The following EFL1 variants were observed in gnomAD, a reference collection of about 807,000 sequenced individuals.
EFL1 encodes elongation factor like GTPase 1, also known as elongation factor-like GTPase 1.
EFL1 carries 76 observed loss-of-function variants against 126.7 expected under a neutral mutation model. The ratio of observed to expected loss-of-function variants is 0.60; its 90% CI spans 0.50 to 0.73. EFL1 has a LOEUF of 0.73. EFL1 is among the 30% of genes least tolerant of loss of function. EFL1 has a pLI of 0.00. For synonymous variants in EFL1, 410 were observed against 448.4 expected, an observed-to-expected ratio of 0.91 and a Z score of 1.08; for missense variants, 1,128 against 1,343.2, an observed-to-expected ratio of 0.84 and a Z score of 2.50.
Position 82,195,014 on chromosome 15 carries a change from G to A in EFL1, c.1750+19703C>T, listed in dbSNP as rs1371565982. Reference sequence around the variant, plus strand: ...ATAATGTATTTTTATATCACGTAGCGTTCAATATCAATACATTCAAATTAT... The same window carrying A: ...ATAATGTATTTTTATATCACGTAGCATTCAATATCAATACATTCAAATTAT... On this transcript the variant is annotated intron_variant, in intron 15 of 19. Coordinates refer to ENST00000268206, the MANE Select transcript of EFL1 (RefSeq NM_024580.6). 3.3e-5 allele frequency among the ~76,000 whole-genome samples: 5 copies of A among 152,196 alleles called. No individual in the cohort carries two copies. In the East Asian group the frequency reaches 5.8e-4, roughly 18 times the overall value.
At chr15:82,227,887 T>A (rs1206241925) in intron 10 of EFL1, among the ~76,000 whole-genome samples, 3 of 152,330 alleles carry the variant, frequency 2.0e-5, no homozygotes, top group African/African-American at 7.2e-5. Flanking sequence ...AACACAAACA[T>A]CTAAATCATC....
intron 15 of EFL1, among the ~76,000 whole-genome samples, chr15:82,199,087 A>C (rs1457863662): frequency 6.6e-6 from 1 of 152,132 alleles, no homozygotes; most frequent in Admixed American, 6.5e-5. Flanking sequence ...CTGAGAAAGG[A>C]AGGCTTATGA....
At chr15:82,209,310 G>GACACACACACACACACACACAC (rs1439189664) in intron 15 of EFL1, among the ~76,000 whole-genome samples, 1 of 94,834 alleles carries the variant, frequency 1.1e-5, no homozygotes, top group African/African-American at 4.0e-5. Flanking sequence ...TTCACACACA[G>GACACACACACACACACACACAC]ACACAGACAC....
intron 15 of EFL1, among the ~76,000 whole-genome samples, chr15:82,203,232 C>G (rs534219970): frequency 3.3e-5 from 5 of 152,270 alleles, no homozygotes; most frequent in African/African-American, 1.2e-4. Flanking sequence ...TTAACTAATA[C>G]TTGTGTATTT....
chr15:82,168,386 T>C (rs990762506), intron 15 of EFL1, among the ~76,000 whole-genome samples: 5 of 152,202 alleles, frequency 3.3e-5, no homozygotes, highest in Non-Finnish European at 5.9e-5. Flanking sequence ...AACAAGTCCA[T>C]TAAATCAACT....
intron 4 of EFL1, among the ~76,000 whole-genome samples, chr15:82,245,700 G>C (rs1024819883): frequency 6.6e-6 from 1 of 151,984 alleles, no homozygotes; most frequent in African/African-American, 2.4e-5. Context: ...AAATGCTTTG[G>C]AAGGCCAAAA....
At chr15:82,213,611 T>C (rs1449064354) in intron 15 of EFL1, among the ~76,000 whole-genome samples, 4 of 152,210 alleles carry the variant, frequency 2.6e-5, no homozygotes, top group Admixed American at 6.5e-5. Flanking sequence ...TGCCTTTTCT[T>C]TCCCTTGAGC....
chr15:82,161,951 C>T (rs1595951502), intron 16 of EFL1, among the ~76,000 whole-genome samples: 1 of 152,100 alleles, frequency 6.6e-6, no homozygotes, highest in African/African-American at 2.4e-5. Context: ...CATAACAGAG[C>T]CTTTTAAAAA....
intron 4 of EFL1, among the ~76,000 whole-genome samples, chr15:82,243,720 A>G (rs1211087561): frequency 7.2e-6 from 1 of 139,210 alleles, no homozygotes; most frequent in Non-Finnish European, 1.5e-5. Flanking sequence ...CAGACCTTTT[A>G]GGGAATAGTC....
chr15:82,165,790 G>T, intron 15 of EFL1, among the ~76,000 whole-genome samples: 1 of 152,106 alleles, frequency 6.6e-6, no homozygotes, highest in East Asian at 1.9e-4. Context: ...CTCACATTAG[G>T]TATCATTAGC....
At chr15:82,248,360 G>A (rs1409459285) in intron 4 of EFL1, among the ~76,000 whole-genome samples, 1 of 152,114 alleles carries the variant, frequency 6.6e-6, no homozygotes, top group Non-Finnish European at 1.5e-5. Context: ...CGTTCACACA[G>A]CCAGAGGAAA....
At chr15:82,156,728 ATAAT>A (rs2073972277) in intron 17 of EFL1, among the ~76,000 whole-genome samples, 1 of 152,220 alleles carries the variant, frequency 6.6e-6, no homozygotes, top group Non-Finnish European at 1.5e-5. Context: ...TCAATCATTT[ATAAT>A]TATTATTTTT....
At chr15:82,216,950 T>A (rs2074653820) in intron 14 of EFL1, among the ~76,000 whole-genome samples, 1 of 152,026 alleles carries the variant, frequency 6.6e-6, no homozygotes. Flanking sequence ...ATCCAGAATA[T>A]ACAAAGGACA....
intron 17 of EFL1, among the ~76,000 whole-genome samples, chr15:82,154,840 C>T (rs2073950666): frequency 6.6e-6 from 1 of 152,184 alleles, no homozygotes; most frequent in African/African-American, 2.4e-5. Context: ...CAGTTCACTG[C>T]AGCCTCGAGC....
chr15:82,209,630 C>T (rs2074563740), intron 15 of EFL1, among the ~76,000 whole-genome samples: 1 of 152,168 alleles, frequency 6.6e-6, no homozygotes, highest in South Asian at 2.1e-4. Context: ...GAGATATTCT[C>T]AGTAGGGAAA....
chr15:82,189,474 T>C (rs898722653), intron 15 of EFL1, among the ~76,000 whole-genome samples: 1 of 152,224 alleles, frequency 6.6e-6, no homozygotes, highest in Non-Finnish European at 1.5e-5. Flanking sequence ...GAAGAGATGC[T>C]TGATGTTGAC....
At chr15:82,170,794 C>T (rs1401623976) in intron 15 of EFL1, among the ~76,000 whole-genome samples, 1 of 152,098 alleles carries the variant, frequency 6.6e-6, no homozygotes, top group Non-Finnish European at 1.5e-5. Context: ...GGATCAGATC[C>T]ATTTATGAGT....
Position 82,151,944 on chromosome 15 carries a change from A to C in EFL1, c.2510T>G (p.Val837Gly), listed in dbSNP as rs1242897023. The change falls in exon 18 of 20, where the codon GTC (valine) becomes GGC (glycine). Residue 837 changes from valine (V) to glycine (G), a missense_variant. Physicochemically the swap from Val to Gly is moderately radical, Grantham distance 109 (BLOSUM62 -3). Transcript: ENST00000268206. ...GPRKCGPNILVNKSEDFQNSV... is the reference protein window; with the variant it reads ...GPRKCGPNILGNKSEDFQNSV... ...GTTCTGAAAATCTTCACTTTTATTG[A>C]CTAGTATGTTGGGCCCACATTTTCT... is the stretch of plus-strand genomic sequence containing the variant. The C allele has an allele frequency of 6.2e-7, 1 of 1,613,982 alleles. No individual in the cohort carries two copies. Among genetic ancestry groups the C allele is most frequent in the Non-Finnish European group, 8.5e-7 (1 of 1,179,994 alleles).
At chr15:82,227,749 G>A (rs1306384889) in intron 10 of EFL1, among the ~76,000 whole-genome samples, 177 bp from the exon 11 acceptor site, 3 of 152,200 alleles carry the variant, frequency 2.0e-5, no homozygotes, top group African/African-American at 7.2e-5. Flanking sequence ...ATTTCAGGGA[G>A]TTCACAAACT....
Sources: allele counts gnomAD v4.1 joint callset (sites outside exome capture counted in the v4.1 genomes callset), GRCh38; gene constraint gnomAD v4.1.1; transcripts MANE v1.5; gene names NCBI Gene and HGNC (gene_info 2026-07-23, HGNC 2026-07-21).